Variants in KCNN2 observed in about 807,000 individuals in gnomAD.
KCNN2 encodes the protein potassium calcium-activated channel subfamily N member 2.
KCNN2 carries 24 observed loss-of-function variants against 55.5 expected under a neutral mutation model. That is an observed-to-expected ratio of 0.43 (90% CI 0.31 to 0.61). The LOEUF is 0.61. KCNN2 is among the 20% of genes least tolerant of loss of function. The pLI is 0.08. For missense variants in KCNN2, 754 were observed against 853.6 expected, an observed-to-expected ratio of 0.88 and a Z score of 1.45; for synonymous variants, 431 against 336.1, an observed-to-expected ratio of 1.28 and a Z score of -3.09.
At chr5:114,358,109 C>T (rs186291870), upstream of KCNN2, among the ~76,000 whole-genome samples, 1 of 150,884 alleles carries the variant, frequency 6.6e-6, no homozygotes, top group East Asian at 2.0e-4. Flanking sequence ...CTTTATGCAG[C>T]CAAAAAACAC....
At position 114,475,100 on chromosome 5, in the gene KCNN2, A is replaced by C. The variant is rs537087760; in HGVS notation, c.1890+1936A>C. ...AAAGACAAAGAGTTAGAAAAGACAAAGACTTTGAGTACAAAATTTACAGTA... is the reference window on the plus strand; with the variant it reads ...AAAGACAAAGAGTTAGAAAAGACAACGACTTTGAGTACAAAATTTACAGTA... On this transcript the variant is annotated intron_variant, in intron 5 of 7. Coordinates refer to ENST00000673685, the MANE Select transcript of KCNN2 (RefSeq NM_021614.4). 2.0e-5 allele frequency among the ~76,000 whole-genome samples: 3 copies of C among 152,240 alleles called. No individual in the cohort carries two copies. In the South Asian group the frequency reaches 6.2e-4, roughly 32 times the overall value.
intron 1 of KCNN2, among the ~76,000 whole-genome samples, chr5:114,114,451 T>C (rs1751673058): frequency 6.6e-6 from 1 of 151,940 alleles, no homozygotes; most frequent in Non-Finnish European, 1.5e-5. Context: ...GTTGCCCAGG[T>C]TGGCTTTGAA....
intron 1 of KCNN2, among the ~76,000 whole-genome samples, chr5:114,147,839 T>C (rs1000076398): frequency 6.6e-6 from 1 of 152,302 alleles, no homozygotes; most frequent in Admixed American, 6.5e-5. Flanking sequence ...TCTAGGTGCG[T>C]TGGTGCATTC....
Position 114,293,504 on chromosome 5 carries a change from T to G in KCNN2, c.-184-67441T>G, listed in dbSNP as rs1254663649. Among the ~76,000 whole-genome samples the G allele has an allele frequency of 3.3e-5, 5 of 152,300 alleles. No individual in the cohort carries two copies. The East Asian group carries it at 7.7e-4, about 24-fold the overall frequency. On this transcript the variant is annotated intron_variant, in intron 2 of 10. Transcript: ENST00000512097. ...TATGCTGGATTACATTTATTGATTT[T>G]CATATGTTGAACCAGCCTTGCATCC...
intron 3 of KCNN2, among the ~76,000 whole-genome samples, chr5:114,410,734 G>C (rs1215920959): frequency 6.6e-6 from 1 of 152,052 alleles, no homozygotes; most frequent in Non-Finnish European, 1.5e-5. Context: ...AAGCAGAAAA[G>C]CAAACATTGT....
chr5:114,440,631 T>C (rs1760169965), intron 3 of KCNN2, among the ~76,000 whole-genome samples: 1 of 148,120 alleles, frequency 6.8e-6, no homozygotes, highest in South Asian at 2.2e-4. Context: ...TGTGATTAGA[T>C]TTAAAGCCTT....
chr5:114,182,085 A>G (rs1412167835), intron 1 of KCNN2, among the ~76,000 whole-genome samples: 3 of 152,150 alleles, frequency 2.0e-5, no homozygotes, highest in Non-Finnish European at 2.9e-5. Flanking sequence ...ATGGATATCC[A>G]TTTATTTCAG....
At chr5:114,073,110 A>T (rs1178591717) in intron 1 of KCNN2, among the ~76,000 whole-genome samples, 1 of 151,982 alleles carries the variant, frequency 6.6e-6, no homozygotes, top group African/African-American at 2.4e-5. Context: ...TGTTGTAATA[A>T]CTTCTCTTCT....
chr5:114,430,479 C>G (rs1759757726), intron 3 of KCNN2, among the ~76,000 whole-genome samples: 1 of 152,040 alleles, frequency 6.6e-6, no homozygotes, highest in South Asian at 2.1e-4. Context: ...CCTTGCAATA[C>G]TTACTTATTA....
chr5:114,355,140 G>T (rs145010082), intron 2 of KCNN2, among the ~76,000 whole-genome samples: 1 of 152,208 alleles, frequency 6.6e-6, no homozygotes, highest in East Asian at 1.9e-4. Flanking sequence ...TAGGGGACTG[G>T]GATTTACAAA....
chr5:114,154,185 G>C (rs1752581758), intron 1 of KCNN2, among the ~76,000 whole-genome samples: 1 of 152,110 alleles, frequency 6.6e-6, no homozygotes, highest in African/African-American at 2.4e-5. Flanking sequence ...TGAGTTATGG[G>C]AGTGGATGAG....
intron 1 of KCNN2, among the ~76,000 whole-genome samples, chr5:114,180,460 G>T (rs1753217269): frequency 6.6e-6 from 1 of 151,758 alleles, no homozygotes; most frequent in Non-Finnish European, 1.5e-5. Flanking sequence ...AATTTTGAGG[G>T]CTTTGCTTTT....
At chr5:114,341,353 G>C (rs753542789) in intron 2 of KCNN2, among the ~76,000 whole-genome samples, 105 of 152,156 alleles carry the variant, frequency 6.9e-4, no homozygotes, top group Non-Finnish European at 1.1e-3. Flanking sequence ...AAGTAAAGGT[G>C]CATCTGTAAA....
intron 1 of KCNN2, among the ~76,000 whole-genome samples, chr5:114,131,528 T>A (rs1209465949): frequency 6.6e-6 from 1 of 152,230 alleles, no homozygotes; most frequent in African/African-American, 2.4e-5. Context: ...CCAGTGTCTG[T>A]CACTGATGGT....
intron 3 of KCNN2, among the ~76,000 whole-genome samples, chr5:114,411,263 T>A (rs1235596255): frequency 6.6e-6 from 1 of 152,194 alleles, no homozygotes; most frequent in African/African-American, 2.4e-5. Flanking sequence ...CGTTTTTAAT[T>A]TCCTGGAAGA....
chr5:114,067,872 C>T (rs1056983598), intron 1 of KCNN2, among the ~76,000 whole-genome samples: 1 of 152,196 alleles, frequency 6.6e-6, no homozygotes, highest in Admixed American at 6.5e-5. Flanking sequence ...CCCATTCATA[C>T]ATATATAGAG....
At chr5:114,427,921 T>C (rs998568041) in intron 3 of KCNN2, among the ~76,000 whole-genome samples, 16 of 152,306 alleles carry the variant, frequency 1.1e-4, no homozygotes, top group African/African-American at 2.6e-4. Context: ...TTCAGACTTA[T>C]ATTTACTGTG....
chr5:114,278,144 A>C (rs1189903900), intron 2 of KCNN2, among the ~76,000 whole-genome samples: 3 of 152,218 alleles, frequency 2.0e-5, no homozygotes, highest in African/African-American at 4.8e-5. Flanking sequence ...GGTCCACTCC[A>C]GACCCTGTTT....
At chr5:114,197,842 A>G (rs1236933969) in intron 1 of KCNN2, among the ~76,000 whole-genome samples, 2 of 152,210 alleles carry the variant, frequency 1.3e-5, no homozygotes, top group African/African-American at 4.8e-5. Context: ...GTAATGGGCC[A>G]GGTCATGGCT....
Sources: allele counts gnomAD v4.1 joint callset (sites outside exome capture counted in the v4.1 genomes callset), GRCh38; gene constraint gnomAD v4.1.1; transcripts MANE v1.5; gene names NCBI Gene and HGNC (gene_info 2026-07-23, HGNC 2026-07-21).